The following SEPTIN9 variants were observed in gnomAD, a reference collection of about 807,000 sequenced individuals.
The protein encoded by SEPTIN9 is septin 9.
Under a neutral mutation model 56.6 loss-of-function variants are expected in SEPTIN9, and 13 were observed. The observed-to-expected ratio is 0.23, with a 90% CI of 0.15 to 0.37. The LOEUF is 0.37. Among genes scored for constraint, SEPTIN9 ranks in the 10% least tolerant of loss-of-function variants. The probability of loss-of-function intolerance (pLI) is 1.00; values close to 1 mark genes in which losing one functional copy is unlikely to be tolerated. For synonymous variants in SEPTIN9, 332 were observed against 334.1 expected (o/e 0.99, Z 0.07); for missense variants, 650 against 823.1 (o/e 0.79, Z 2.57).
intron 2 of SEPTIN9, among the ~76,000 whole-genome samples, chr17:77,349,510 T>C (rs1375279233): frequency 6.6e-6 from 1 of 152,226 alleles, no homozygotes; most frequent in Non-Finnish European, 1.5e-5. Flanking sequence ...TTCCAGTGTC[T>C]TTGGCCTCCG....
chr17:77,377,749 C>G (rs1292838649), intron 2 of SEPTIN9, among the ~76,000 whole-genome samples: 2 of 152,202 alleles, frequency 1.3e-5, no homozygotes, highest in African/African-American at 4.8e-5. Context: ...TCTTTCCTCT[C>G]TAGAGAAAAA....
rs911622360 is a variant in SEPTIN9 at position 77,421,334 on chromosome 17, T to TC, written c.721+18637dup. ...GGAACAGATTGGAACCGCATTTCTC[T>TC]CCCCCCAGTCACAGCTGCCAGGAGC... is the stretch of plus-strand genomic sequence containing the variant. On this transcript the variant is annotated intron_variant, in intron 3 of 11. Transcript: ENST00000427177. The surrounding 1 kb of genome is among the most constrained non-coding windows in gnomAD (Gnocchi z 4.6). 6.6e-6 allele frequency among the ~76,000 whole-genome samples: 1 copy of TC among 151,926 alleles called. No homozygotes were observed. Among genetic ancestry groups the TC allele is most frequent in the African/African-American group, 2.4e-5 (1 of 41,344 alleles).
chr17:77,378,596 G>T (rs576392329), intron 2 of SEPTIN9, among the ~76,000 whole-genome samples: 7 of 152,328 alleles, frequency 4.6e-5, no homozygotes, highest in Admixed American at 3.3e-4. Flanking sequence ...GCAAGGGCCT[G>T]TGTGATGCCA....
At chr17:77,351,143 G>A (rs2143804146) in intron 2 of SEPTIN9, among the ~76,000 whole-genome samples, 2 of 152,142 alleles carry the variant, frequency 1.3e-5, no homozygotes, top group African/African-American at 4.8e-5. Context: ...CTTACTAAGT[G>A]CCAGAAAGAA....
Position 77,499,888 on chromosome 17 carries a change from G to T in SEPTIN9, c.*1230G>T. 3.5e-6 allele frequency: 1 copy of T among 283,464 alleles called. No individual in the cohort carries two copies. Among genetic ancestry groups the T allele is most frequent in the Non-Finnish European group, 6.8e-6 (1 of 148,044 alleles). 17.6% of individuals were successfully genotyped at this position (283,464 alleles called of 1,614,324 possible). On this transcript the variant is annotated 3_prime_UTR_variant, in exon 12 of 12. Coordinates refer to ENST00000427177, the MANE Select transcript of SEPTIN9 (RefSeq NM_001113491.2). Reference sequence around the variant, plus strand: ...TGGTAACGAACCCCTAGAAAGGAGAGAACGGGCGTCAGGGGTGCACAGTCC... The same window carrying T: ...TGGTAACGAACCCCTAGAAAGGAGATAACGGGCGTCAGGGGTGCACAGTCC...
At position 77,402,612 on chromosome 17, in the gene SEPTIN9, T is replaced by C. The variant is rs1476709426; in HGVS notation, c.630T>C (p.Asn210=). 7 of 1,612,706 alleles carry C rather than the reference T, an allele frequency of 4.3e-6. No homozygotes were observed. Among genetic ancestry groups the C allele is most frequent in the Non-Finnish European group, 5.1e-6 (6 of 1,179,672 alleles). Residue 210 remains asparagine, a synonymous_variant, in exon 3 of 12, where the codon AAT becomes AAC. Transcript: ENST00000427177. This position sits in a 1 kb window ranked among gnomAD's most constrained non-coding sequence, Gnocchi z 6.6. ...CCAGCCCAGCCCAGACCTTGGAGAA[T>C]TCAGAGCCTGCCCCTGTGTCTCAGC... ...TAPSPAQTLE[N]SEPAPVSQLQ...
At position 77,492,581 on chromosome 17, in the gene SEPTIN9, G is replaced by A. The variant is rs781056136; in HGVS notation, c.1381-40G>A. ...AAACACCAGTGGGTGGGTAGAGCTT[G>A]CCACAGGGATGGGCCCATCTCTCTC... On this transcript the variant is annotated intron_variant, in intron 8 of 11. Transcript: ENST00000427177. The surrounding 1 kb of genome is among the most constrained non-coding windows in gnomAD (Gnocchi z 5.4). The A allele has an allele frequency of 1.3e-6, 2 of 1,583,688 alleles. No homozygotes were observed. The highest frequency in any genetic ancestry group is 1.7e-6 in the Non-Finnish European group (2 of 1,152,398).
At chr17:77,459,404 G>T (rs1351221510) in intron 3 of SEPTIN9, among the ~76,000 whole-genome samples, 1 of 152,212 alleles carries the variant, frequency 6.6e-6, no homozygotes, top group Non-Finnish European at 1.5e-5. Flanking sequence ...AAGGCGCTGA[G>T]ATGCGGCTGT....
intron 2 of SEPTIN9, among the ~76,000 whole-genome samples, chr17:77,387,211 A>C (rs1233868655): frequency 6.6e-6 from 1 of 152,194 alleles, no homozygotes; most frequent in African/African-American, 2.4e-5. Flanking sequence ...CCTCTGCGGG[A>C]GGCTCCGGCC....
At chr17:77,494,791 C>G (rs1287494359) in intron 10 of SEPTIN9, among the ~76,000 whole-genome samples, 1 of 152,186 alleles carries the variant, frequency 6.6e-6, no homozygotes, top group Non-Finnish European at 1.5e-5. Context: ...CAGACTCCCT[C>G]GAGATGGGAG....
In SEPTIN9 at chr17:77,482,154, G is replaced by A. The variant is rs373038788; in HGVS notation, c.732G>A (p.Ala244=). The A allele has an allele frequency of 9.9e-5, 156 of 1,577,758 alleles. 2 individuals carry two copies. The highest frequency in any genetic ancestry group is 9.1e-4 in the East Asian group (39 of 42,908). The change falls in exon 4 of 12, where the codon GCG becomes GCA. Residue 244 remains alanine (A), a synonymous_variant. Coordinates refer to ENST00000427177, the MANE Select transcript of SEPTIN9 (RefSeq NM_001113491.2). ...CTGTTCCTTCCCCAGCCACTGAGGCGGCTCCCAGCTGCGTTGGCGACATGG... is the reference window on the plus strand; with the variant it reads ...CTGTTCCTTCCCCAGCCACTGAGGCAGCTCCCAGCTGCGTTGGCGACATGG... ...ATPRSQEATE[A]APSCVGDMAD...
intron 2 of SEPTIN9, among the ~76,000 whole-genome samples, chr17:77,320,675 C>T (rs954991599): frequency 6.6e-6 from 1 of 152,122 alleles, no homozygotes; most frequent in African/African-American, 2.4e-5. Flanking sequence ...GGGGACCTGC[C>T]CCCCTGGCTC....
chr17:77,319,429 G>A lies in SEPTIN9; in HGVS notation c.76+12232G>A, dbSNP rs763089087. 2.9e-5 allele frequency: 15 copies of A among 517,108 alleles called. No homozygotes were observed. Among genetic ancestry groups the A allele is most frequent in the Non-Finnish European group, 3.8e-5 (15 of 391,402 alleles). 32.0% of individuals were successfully genotyped at this position (517,108 alleles called of 1,614,324 possible). A position where few individuals can be genotyped will look rare whatever the true frequency, so the allele number is the denominator to read the frequency against. The stretch of plus-strand genomic sequence containing the variant: ...CGCTCCCTCCCAGGGGACGGCTAGA[G>A]ACTCACTGACTCATGCGTGTGTGGT... On this transcript the variant is annotated intron_variant, in intron 2 of 11. Coordinates refer to ENST00000427177, the MANE Select transcript of SEPTIN9 (RefSeq NM_001113491.2). This position sits in a 1 kb window ranked among gnomAD's most constrained non-coding sequence, Gnocchi z 5.3.
chr17:77,406,707 A>G (rs980810903), intron 3 of SEPTIN9, among the ~76,000 whole-genome samples: 2 of 149,824 alleles, frequency 1.3e-5, no homozygotes, highest in Non-Finnish European at 3.0e-5. Context: ...GTCTCTCTCT[A>G]TCACCCAGGC....
At chr17:77,303,288 A>G (rs1345192927) in intron 1 of SEPTIN9, among the ~76,000 whole-genome samples, 8 of 151,308 alleles carry the variant, frequency 5.3e-5, no homozygotes, top group Admixed American at 4.6e-4. Flanking sequence ...TTTAGTAGAG[A>G]TGGGGTTTCC....
At chr17:77,302,471 A>G (rs2032092474) in intron 1 of SEPTIN9, among the ~76,000 whole-genome samples, 1 of 151,982 alleles carries the variant, frequency 6.6e-6, no homozygotes, top group South Asian at 2.1e-4. Context: ...CAAGGTCAGG[A>G]GTTCGAGACC....
chr17:77,448,213 G>T (rs943141493), intron 3 of SEPTIN9, among the ~76,000 whole-genome samples: 1 of 152,114 alleles, frequency 6.6e-6, no homozygotes, highest in Admixed American at 6.6e-5. Context: ...TGGCTCACGC[G>T]TGTAATCTCA....
At chr17:77,479,792 G>A (rs115630269) in intron 3 of SEPTIN9, among the ~76,000 whole-genome samples, 2,372 of 152,040 alleles carry the variant, frequency 0.016, 70 homozygotes, top group African/African-American at 0.054. Flanking sequence ...AGGTGGGGGC[G>A]GGTAGGGGCT....
At chr17:77,284,842 C>A (rs796732663) in intron 1 of SEPTIN9, among the ~76,000 whole-genome samples, 12 of 152,228 alleles carry the variant, frequency 7.9e-5, no homozygotes, top group African/African-American at 2.9e-4. Context: ...GTTGGTCAGG[C>A]TGATCTCGAA....
Sources: allele counts gnomAD v4.1 joint callset (sites outside exome capture counted in the v4.1 genomes callset), GRCh38; gene constraint gnomAD v4.1.1; non-coding constraint Gnocchi (gnomAD v3.1); transcripts MANE v1.5; gene names NCBI Gene and HGNC (gene_info 2026-07-23, HGNC 2026-07-21).